SMURF2: variants seen among roughly 807,000 people sequenced by gnomAD.
The protein encoded by SMURF2 is SMAD specific E3 ubiquitin protein ligase 2.
SMURF2 carries 48 observed loss-of-function variants against 109.6 expected under a neutral mutation model. The ratio of observed to expected loss-of-function variants is 0.44; its 90% CI spans 0.35 to 0.56. The LOEUF (loss-of-function observed/expected upper bound fraction) is 0.56. SMURF2 is among the 20% of genes least tolerant of loss of function. The pLI is 0.01. For synonymous variants in SMURF2, 288 were observed against 317.1 expected, an observed-to-expected ratio of 0.91 and a Z score of 0.97; for missense variants, 575 against 909.0, an observed-to-expected ratio of 0.63 and a Z score of 4.72.
At chr17:64,584,149 C>G (rs1969614671) in intron 6 of SMURF2, among the ~76,000 whole-genome samples, 1 of 151,448 alleles carries the variant, frequency 6.6e-6, no homozygotes, top group African/African-American at 2.4e-5. Flanking sequence ...GAAACCCTGT[C>G]TCTATTAAAA....
chr17:64,627,426 A>T (rs1167047671), intron 1 of SMURF2, among the ~76,000 whole-genome samples: 1 of 152,124 alleles, frequency 6.6e-6, no homozygotes, highest in Middle Eastern at 3.2e-3. Flanking sequence ...TTAAGCCATT[A>T]AGTTTTGAGA....
At chr17:64,607,316 G>A (rs1167435387) in intron 1 of SMURF2, among the ~76,000 whole-genome samples, 1 of 151,980 alleles carries the variant, frequency 6.6e-6, no homozygotes, top group Non-Finnish European at 1.5e-5. Context: ...AAAAAATATT[G>A]AATTGCCCAC....
intron 13 of SMURF2, among the ~76,000 whole-genome samples, chr17:64,557,235 G>A (rs563743190): frequency 6.6e-6 from 1 of 152,168 alleles, no homozygotes; most frequent in Non-Finnish European, 1.5e-5. Context: ...TGAAGCTTAA[G>A]TCCATGAACT....
intron 1 of SMURF2, among the ~76,000 whole-genome samples, chr17:64,615,841 CT>C (rs199805180): frequency 6.7e-5 from 10 of 148,650 alleles, no homozygotes; most frequent in African/African-American, 9.9e-5. Context: ...AAATAATTTC[CT>C]TTTTTTTTTG....
chr17:64,579,643 G>C (rs1473917794), intron 8 of SMURF2, among the ~76,000 whole-genome samples: 2 of 152,144 alleles, frequency 1.3e-5, no homozygotes, highest in Non-Finnish European at 2.9e-5. Context: ...TCTCAGGTCT[G>C]AACACTGATA....
At chr17:64,565,340 T>G (rs2144610816) in intron 10 of SMURF2, among the ~76,000 whole-genome samples, 1 of 152,138 alleles carries the variant, frequency 6.6e-6, no homozygotes, top group Middle Eastern at 3.4e-3. Context: ...GATGTGAGAG[T>G]GCAGGCCAGG....
chr17:64,637,164 T>A (rs1598308675), intron 1 of SMURF2, among the ~76,000 whole-genome samples: 2 of 151,824 alleles, frequency 1.3e-5, no homozygotes, highest in East Asian at 3.9e-4. Context: ...TCTTGCTCTG[T>A]CACCCAGGCT....
chr17:64,649,797 T>C lies in SMURF2; in HGVS notation c.52+12032A>G, dbSNP rs541137137. 1.7e-4 allele frequency among the ~76,000 whole-genome samples: 26 copies of C among 152,200 alleles called. No individual in the cohort carries two copies. The South Asian group carries it at 2.1e-3, about 12-fold the overall frequency. On this transcript the variant is annotated intron_variant, in intron 1 of 18. Transcript: ENST00000262435. ...AGGCAGAAGTTGCAGTGAGCTGAGA[T>C]TGCACCACTGCACACCAGCCTGAGT...
intron 1 of SMURF2, among the ~76,000 whole-genome samples, chr17:64,654,616 G>A (rs1464801149): frequency 6.6e-6 from 1 of 151,850 alleles, no homozygotes; most frequent in Non-Finnish European, 1.5e-5. Flanking sequence ...GATCACCTGA[G>A]GTCAGGAGTT....
intron 1 of SMURF2, among the ~76,000 whole-genome samples, chr17:64,635,911 G>A (rs1308364180): frequency 6.6e-6 from 1 of 152,180 alleles, no homozygotes; most frequent in Non-Finnish European, 1.5e-5. Flanking sequence ...GTTTAGCAGA[G>A]TGGTTGAACT....
At position 64,543,392 on chromosome 17, in the gene SMURF2, A is replaced by C. The variant is rs1968901945; in HGVS notation, c.*2456T>G. Reference sequence around the variant, plus strand: ...CAGATTCAAGCAATTCTCCTGCCTCAGCCTCCCAAGTAGTTGGATTACAGG... The same window carrying C: ...CAGATTCAAGCAATTCTCCTGCCTCCGCCTCCCAAGTAGTTGGATTACAGG... On this transcript the variant is annotated 3_prime_UTR_variant, in exon 19 of 19. Coordinates refer to ENST00000262435, the MANE Select transcript of SMURF2 (RefSeq NM_022739.4). 6.6e-6 allele frequency: 1 copy of C among 151,236 alleles called. No individual in the cohort carries two copies. The highest frequency in any genetic ancestry group is 2.4e-5 in the African/African-American group (1 of 41,026). The allele number at this position is 151,236 out of a possible 1,614,324, so 9.4% of individuals were successfully genotyped here.
intron 1 of SMURF2, among the ~76,000 whole-genome samples, chr17:64,647,679 TA>T (rs782754711): frequency 0.16 from 19,487 of 121,436 alleles, 1,792 homozygotes; most frequent in African/African-American, 0.3. Flanking sequence ...AGACTCTGTC[TA>T]AAAAAAAAAA....
At chr17:64,607,487 G>A (rs946863631) in intron 1 of SMURF2, among the ~76,000 whole-genome samples, 2 of 151,954 alleles carry the variant, frequency 1.3e-5, no homozygotes, top group Non-Finnish European at 2.9e-5. Context: ...TTAGCTGGGC[G>A]TGGTGGCGTG....
chr17:64,563,844 G>A (rs1223812197), intron 10 of SMURF2, among the ~76,000 whole-genome samples: 1 of 152,156 alleles, frequency 6.6e-6, no homozygotes, highest in Admixed American at 6.6e-5. Context: ...CCTGGTTCAA[G>A]TGATCCTCCT....
chr17:64,622,806 T>C (rs529642757), intron 1 of SMURF2, among the ~76,000 whole-genome samples: 1 of 152,320 alleles, frequency 6.6e-6, no homozygotes, highest in East Asian at 1.9e-4. Context: ...GATGTCACTA[T>C]ACAAAACCCA....
At chr17:64,626,258 CA>C (rs782086305) in intron 1 of SMURF2, among the ~76,000 whole-genome samples, 1,137 of 58,448 alleles carry the variant, frequency 0.019, 7 homozygotes, top group African/African-American at 0.056. Flanking sequence ...GACACGGTCT[CA>C]AAAAAAAAAA....
chr17:64,582,823 T>G (rs1319451282), intron 7 of SMURF2, among the ~76,000 whole-genome samples: 2 of 152,180 alleles, frequency 1.3e-5, no homozygotes, highest in Non-Finnish European at 2.9e-5. Context: ...GGTCTTGAAC[T>G]CCTGACCTCA....
rs559578553 is a variant in SMURF2, at chr17:64,643,039, C to T, written c.52+18790G>A. On this transcript the variant is annotated intron_variant, in intron 1 of 18. Transcript: ENST00000262435. ...GTTGAATTTTACCCTTTATTTTTTA[C>T]TTTGAGATAGGTTCTCGCTCTATCA... is the stretch of plus-strand genomic sequence containing the variant. Among the ~76,000 whole-genome samples the T allele has an allele frequency of 2.0e-5, 3 of 152,092 alleles. No individual in the cohort carries two copies. The South Asian group carries it at 6.2e-4, about 32-fold the overall frequency.
chr17:64,602,485 T>C (rs1352331501), intron 2 of SMURF2, among the ~76,000 whole-genome samples: 2 of 152,048 alleles, frequency 1.3e-5, no homozygotes, highest in Admixed American at 6.6e-5. Flanking sequence ...AAAAAATACA[T>C]AGGTTTCAAC....
Sources: gnomAD v4.1 joint callset for allele counts (sites outside exome capture counted in the v4.1 genomes callset) on GRCh38, gnomAD v4.1.1 for gene constraint, MANE v1.5 for transcripts, NCBI Gene and HGNC (gene_info 2026-07-23, HGNC 2026-07-21) for gene names.